Variants in CEP63 observed in about 807,000 individuals in gnomAD.
CEP63 encodes centrosomal protein of 63 kDa.
Under a neutral mutation model 89.1 loss-of-function variants are expected in CEP63, and 84 were observed. The observed-to-expected ratio is 0.94, with a 90% confidence interval of 0.79 to 1.13. The LOEUF is 1.13. Among genes scored for constraint, CEP63 ranks in the 50% most tolerant of loss-of-function variants. CEP63 has a pLI of 0.00. For missense variants in CEP63, 838 were observed against 813.3 expected, an observed-to-expected ratio of 1.03 and a Z score of -0.37; for synonymous variants, 267 against 272.5, an observed-to-expected ratio of 0.98 and a Z score of 0.20.
chr3:134,600,970 A>G, the CEP63 span: 3 of 152,252 alleles, frequency 2.0e-5, no homozygotes, highest in African/African-American at 4.8e-5. Context: ...GCCCGGTGAT[A>G]GATCAGCCTC....
At chr3:134,767,521 T>C in the CEP63 span, among the ~76,000 whole-genome samples, 56 of 152,180 alleles carry the variant, frequency 3.7e-4, 1 homozygote, top group African/African-American at 1.4e-3. Context: ...CTCATAGAGC[T>C]CTGCACTCAC....
At chr3:134,753,039 G>A in the CEP63 span, among the ~76,000 whole-genome samples, 2 of 152,294 alleles carry the variant, frequency 1.3e-5, no homozygotes, top group Admixed American at 6.5e-5. Flanking sequence ...GGGCACGAAG[G>A]TCATAGGCAG....
At chr3:134,737,720 A>G in the CEP63 span, among the ~76,000 whole-genome samples, 1 of 152,184 alleles carries the variant, frequency 6.6e-6, no homozygotes, top group Non-Finnish European at 1.5e-5. Flanking sequence ...GCTTCTTCTC[A>G]TGTCTGGCAC....
the CEP63 span, among the ~76,000 whole-genome samples, chr3:134,621,867 A>G: frequency 1.3e-5 from 2 of 152,222 alleles, no homozygotes; most frequent in Non-Finnish European, 2.9e-5. Context: ...ACAACTCCAC[A>G]AAAACAAAAC....
chr3:134,703,309 A>G, the CEP63 span, among the ~76,000 whole-genome samples: 1 of 151,952 alleles, frequency 6.6e-6, no homozygotes, highest in East Asian at 1.9e-4. Flanking sequence ...AAAAAAAAAA[A>G]AAAAAAAGAT....
chr3:134,586,427 G>A (rs1477690995), intron 10 of CEP63, among the ~76,000 whole-genome samples: 1 of 152,100 alleles, frequency 6.6e-6, no homozygotes, highest in East Asian at 1.9e-4. Flanking sequence ...GTCTGTAAAG[G>A]ATTTTATTTC....
the CEP63 span, chr3:134,608,641 G>A: frequency 1.7e-5 from 28 of 1,613,860 alleles, no homozygotes; most frequent in East Asian, 6.7e-5. Flanking sequence ...CACCTGCTCC[G>A]GGCTCACCTG....
the CEP63 span, among the ~76,000 whole-genome samples, chr3:134,765,032 G>T: frequency 8.5e-5 from 13 of 152,244 alleles, no homozygotes; most frequent in Non-Finnish European, 1.8e-4. Flanking sequence ...CACCTGGAGG[G>T]TTTATTAAAA....
chr3:134,579,448 A>G (rs1958293674), downstream of CEP63, among the ~76,000 whole-genome samples: 1 of 152,236 alleles, frequency 6.6e-6, no homozygotes, highest in Admixed American at 6.5e-5. Context: ...CCAATGCTTG[A>G]TAGCTGTTAG....
intron 3 of CEP63, among the ~76,000 whole-genome samples, chr3:134,512,602 C>T: frequency 6.6e-6 from 1 of 152,088 alleles, no homozygotes; most frequent in Admixed American, 6.5e-5. Context: ...ACCTAGGATT[C>T]TTACTTCTGT....
the CEP63 span, among the ~76,000 whole-genome samples, chr3:134,726,931 T>C: frequency 1.3e-5 from 2 of 152,108 alleles, no homozygotes; most frequent in Non-Finnish European, 2.9e-5. Flanking sequence ...CAAGCACTTA[T>C]TTTTTAAAAG....
the CEP63 span, among the ~76,000 whole-genome samples, chr3:134,782,024 G>A: frequency 4.3e-3 from 656 of 152,254 alleles, 6 homozygotes; most frequent in African/African-American, 0.015. Context: ...TTTCTCTGGG[G>A]TTTGGATAGA....
the CEP63 span, among the ~76,000 whole-genome samples, chr3:134,746,076 C>A: frequency 1.1e-4 from 17 of 151,894 alleles, no homozygotes; most frequent in South Asian, 1.7e-3. Flanking sequence ...CCACCCCCCC[C>A]ACCCCATGAC....
intron 2 of CEP63, among the ~76,000 whole-genome samples, chr3:134,497,480 G>A (rs919078868): frequency 2.0e-5 from 3 of 151,954 alleles, no homozygotes; most frequent in South Asian, 4.1e-4. Flanking sequence ...CAAGTGATCC[G>A]CCTGCTTCAG....
the CEP63 span, among the ~76,000 whole-genome samples, chr3:134,671,144 C>A: frequency 6.6e-6 from 1 of 152,146 alleles, no homozygotes; most frequent in African/African-American, 2.4e-5. Flanking sequence ...AAAGATCTGA[C>A]TACACAGCCA....
chr3:134,777,059 G>A, the CEP63 span, among the ~76,000 whole-genome samples: 1 of 152,184 alleles, frequency 6.6e-6, no homozygotes, highest in African/African-American at 2.4e-5. Flanking sequence ...TTAAAAGGAA[G>A]ATTTCAAAAG....
chr3:134,586,936 T>A (rs928663244), intron 10 of CEP63, among the ~76,000 whole-genome samples: 6 of 152,192 alleles, frequency 3.9e-5, no homozygotes, highest in Non-Finnish European at 7.3e-5. Context: ...TTTATTTCAT[T>A]AATTTGATCT....
intron 13 of CEP63, 128 bp from the exon 14 acceptor site, chr3:134,559,022 G>A: frequency 2.3e-6 from 2 of 872,882 alleles, no homozygotes; most frequent in Non-Finnish European, 3.6e-6. Context: ...TCTGATCTGA[G>A]TAGGTTGCTC....
At chr3:134,574,150 G>A (rs1468949785) in intron 11 of CEP63, among the ~76,000 whole-genome samples, 1 of 152,160 alleles carries the variant, frequency 6.6e-6, no homozygotes, top group African/African-American at 2.4e-5. Context: ...TGGACAAGGG[G>A]CCTATAGCAC....
Sources: gnomAD v4.1 joint callset for allele counts (sites outside exome capture counted in the v4.1 genomes callset) on GRCh38, gnomAD v4.1.1 for gene constraint, MANE v1.5 for transcripts, NCBI Gene and HGNC (gene_info 2026-07-23, HGNC 2026-07-21) for gene names.